The following ITCH variants were observed in gnomAD, a reference collection of about 807,000 sequenced individuals.
The protein encoded by ITCH is E3 ubiquitin-protein ligase Itchy homolog.
In ITCH, 28 loss-of-function variants were observed where a neutral mutation model predicts 126.8. That is an observed-to-expected ratio of 0.22 (90% CI 0.16 to 0.30). ITCH has a LOEUF of 0.30. Among genes scored for constraint, ITCH ranks in the 10% least tolerant of loss-of-function variants. The pLI, the probability that ITCH is intolerant of heterozygous loss-of-function variation, is 1.00. For missense variants in ITCH, 631 were observed against 1,032.4 expected (o/e 0.61, Z 5.33); for synonymous variants, 342 against 340.0 (o/e 1.01, Z -0.06).
chr20:34,488,166 C>A (rs1432408342), intron 20 of ITCH, among the ~76,000 whole-genome samples: 1 of 142,354 alleles, frequency 7.0e-6, no homozygotes. Context: ...TTTTTTAAAT[C>A]TAAGATAATT....
At chr20:34,454,943 CCTCAGT>C (rs1398018916) in intron 12 of ITCH, among the ~76,000 whole-genome samples, 4 of 150,398 alleles carry the variant, frequency 2.7e-5, no homozygotes, top group Admixed American at 2.0e-4. Flanking sequence ...GATTCTCCTG[CCTCAGT>C]CTCCCTAGTA....
At chr20:34,465,290 A>G (rs751190074) in intron 14 of ITCH, among the ~76,000 whole-genome samples, 22 of 149,446 alleles carry the variant, frequency 1.5e-4, no homozygotes, top group Non-Finnish European at 2.8e-4. Context: ...CTTTGTAGCA[A>G]GTTTTCAAAT....
At chr20:34,500,573 TC>T (rs142450607) in intron 23 of ITCH, among the ~76,000 whole-genome samples, 124 of 152,328 alleles carry the variant, frequency 8.1e-4, no homozygotes, top group African/African-American at 2.7e-3. Context: ...AAAGCAAGTT[TC>T]TTGGAGGCAG....
At chr20:34,366,286 G>A (rs1374081307) in intron 1 of ITCH, among the ~76,000 whole-genome samples, 1 of 152,086 alleles carries the variant, frequency 6.6e-6, no homozygotes, top group Non-Finnish European at 1.5e-5. Context: ...ACCCAGTCAC[G>A]CAGGATGGAG....
chr20:34,496,203 C>T (rs900226062), intron 23 of ITCH, among the ~76,000 whole-genome samples: 2 of 152,066 alleles, frequency 1.3e-5, no homozygotes, highest in Non-Finnish European at 2.9e-5. Context: ...GATGATAGTT[C>T]ATTGTGGTTT....
At chr20:34,369,640 TTA>T (rs2037545403) in intron 2 of ITCH, 170 bp downstream of exon 2, 3 of 390,912 alleles carry the variant, frequency 7.7e-6, no homozygotes, top group Non-Finnish European at 1.4e-5. Context: ...TCTGCAGGGA[TTA>T]GCCTGTGAGC....
At chr20:34,425,224 C>T (rs141413886) in intron 7 of ITCH, among the ~76,000 whole-genome samples, 1 of 152,206 alleles carries the variant, frequency 6.6e-6, no homozygotes, top group South Asian at 2.1e-4. Flanking sequence ...AATATGTTTG[C>T]AGGCAGTATG....
At chr20:34,385,016 G>GA (rs1440376613) in intron 2 of ITCH, among the ~76,000 whole-genome samples, 1 of 150,256 alleles carries the variant, frequency 6.7e-6, no homozygotes, top group African/African-American at 2.4e-5. Context: ...TCAGAAACAA[G>GA]AAAATTTTTT....
At chr20:34,402,055 G>A (rs141857349) in intron 3 of ITCH, 14 of 687,346 alleles carry the variant, frequency 2.0e-5, no homozygotes, top group Non-Finnish European at 3.0e-5. Context: ...TGGCAAAAAC[G>A]AATTTTAATT....
chr20:34,387,269 C>T (rs1169796350), intron 2 of ITCH, among the ~76,000 whole-genome samples: 2 of 151,086 alleles, frequency 1.3e-5, no homozygotes, highest in Non-Finnish European at 2.9e-5. Context: ...CGCCCCTGCA[C>T]TCCAGCCTGG....
chr20:34,402,475 T>C (rs570961893), intron 3 of ITCH: 31 of 766,062 alleles, frequency 4.0e-5, no homozygotes, highest in South Asian at 6.7e-5. Flanking sequence ...CACTGAAAAA[T>C]AGACTAGAAA....
intron 16 of ITCH, among the ~76,000 whole-genome samples, chr20:34,475,383 G>A (rs1269687526): frequency 2.0e-5 from 3 of 152,170 alleles, no homozygotes; most frequent in Admixed American, 6.5e-5. Context: ...CTGAGTGAAC[G>A]AGACTCCGTC....
At chr20:34,388,063 TA>T (rs1027213688) in intron 2 of ITCH, among the ~76,000 whole-genome samples, 12 of 151,978 alleles carry the variant, frequency 7.9e-5, no homozygotes, top group Non-Finnish European at 1.6e-4. Context: ...CAGTGCTAAG[TA>T]AAGCTATAGA....
At chr20:34,420,255 A>G (rs1281589579) in intron 6 of ITCH, among the ~76,000 whole-genome samples, 2 of 152,142 alleles carry the variant, frequency 1.3e-5, no homozygotes, top group African/African-American at 4.8e-5. Flanking sequence ...TTCTTCTCCC[A>G]AGCCGTGATA....
chr20:34,413,635 G>GT, intron 5 of ITCH, 107 bp from the exon 6 acceptor site: 1 of 1,019,704 alleles, frequency 9.8e-7, no homozygotes, highest in South Asian at 1.7e-5. Flanking sequence ...TGCACATATA[G>GT]TTATATTTTC....
intron 18 of ITCH, among the ~76,000 whole-genome samples, chr20:34,480,317 C>T (rs1988619424): frequency 6.6e-6 from 1 of 152,066 alleles, no homozygotes; most frequent in Non-Finnish European, 1.5e-5. Flanking sequence ...CCTGCCTCAG[C>T]CTCCCGAGTA....
intron 20 of ITCH, among the ~76,000 whole-genome samples, chr20:34,482,964 A>G (rs1209461910): frequency 1.3e-5 from 2 of 152,138 alleles, no homozygotes; most frequent in African/African-American, 4.8e-5. Flanking sequence ...CTCAGGCTCA[A>G]CAGCACGTGG....
At chr20:34,385,950 A>T (rs973239030) in intron 2 of ITCH, among the ~76,000 whole-genome samples, 3 of 152,160 alleles carry the variant, frequency 2.0e-5, no homozygotes, top group Non-Finnish European at 4.4e-5. Context: ...CTTCCCTATC[A>T]TGAGGGGTTT....
At chr20:34,383,836 C>CTTT (rs745864966) in intron 2 of ITCH, among the ~76,000 whole-genome samples, 114 of 68,516 alleles carry the variant, frequency 1.7e-3, no homozygotes, top group Middle Eastern at 0.014. Context: ...GTCTGTAATT[C>CTTT]TTTTTTTTTT....
Sources: gnomAD v4.1 joint callset for allele counts (sites outside exome capture counted in the v4.1 genomes callset) on GRCh38, gnomAD v4.1.1 for gene constraint, MANE v1.5 for transcripts, NCBI Gene and HGNC (gene_info 2026-07-23, HGNC 2026-07-21) for gene names.